DCC: variants seen among roughly 807,000 people sequenced by gnomAD.
DCC encodes the protein DCC netrin 1 receptor.
Under a neutral mutation model 172.5 loss-of-function variants are expected in DCC, and 58 were observed. That is an observed-to-expected ratio of 0.34 (90% CI 0.27 to 0.42). The LOEUF is 0.42. Among genes scored for constraint, DCC ranks in the 10% least tolerant of loss-of-function variants. The pLI, the probability that DCC is intolerant of heterozygous loss-of-function variation, is 1.00. For missense variants in DCC, 1,740 were observed against 1,791.0 expected (o/e 0.97, Z 0.51); for synonymous variants, 709 against 644.5 (o/e 1.10, Z -1.52).
chr18:52,642,351 G>A (rs1207747742), intron 1 of DCC, among the ~76,000 whole-genome samples: 4 of 151,884 alleles, frequency 2.6e-5, no homozygotes, highest in Non-Finnish European at 4.4e-5. Context: ...AGGGATAGAA[G>A]ACTAAAAATA....
intron 8 of DCC, among the ~76,000 whole-genome samples, chr18:53,164,439 G>A (rs2054887052): frequency 6.6e-6 from 1 of 152,078 alleles, no homozygotes; most frequent in Non-Finnish European, 1.5e-5. Flanking sequence ...TATATAAAAA[G>A]AACATTATAC....
intron 15 of DCC, among the ~76,000 whole-genome samples, chr18:53,343,654 C>T (rs895741377): frequency 1.3e-5 from 2 of 151,774 alleles, no homozygotes; most frequent in Admixed American, 6.6e-5. Flanking sequence ...CTCTTTTACT[C>T]CAGTTAGATT....
chr18:53,436,154 G>A (rs566845481), intron 22 of DCC, among the ~76,000 whole-genome samples: 7 of 152,136 alleles, frequency 4.6e-5, no homozygotes, highest in East Asian at 1.9e-4. Flanking sequence ...TGTTTACTAC[G>A]TATGTATACG....
At chr18:52,382,180 A>G (rs563563314) in intron 1 of DCC, among the ~76,000 whole-genome samples, 4 of 152,270 alleles carry the variant, frequency 2.6e-5, no homozygotes, top group African/African-American at 4.8e-5. Flanking sequence ...TGAATAGGAA[A>G]TATCTCTTGC....
In DCC at chr18:52,619,089, C is replaced by T. The variant is rs62083423; in HGVS notation, c.92-132965C>T. On this transcript the variant is annotated intron_variant, in intron 1 of 28. Coordinates refer to ENST00000442544, the MANE Select transcript of DCC (RefSeq NM_005215.4). ...AGTAGCTGGGATTACGGGCATGCAC[C>T]GCTATGCCCAGCTATTTTTTGCATT... Among the ~76,000 whole-genome samples, 852 of 152,198 alleles carry T rather than the reference C, an allele frequency of 5.6e-3. 3 individuals are homozygous for T. Among genetic ancestry groups the T allele is most frequent in the Non-Finnish European group, 9.2e-3 (627 of 68,018 alleles).
intron 27 of DCC, among the ~76,000 whole-genome samples, chr18:53,508,083 C>T (rs1271851504): frequency 2.0e-5 from 3 of 151,500 alleles, no homozygotes; most frequent in East Asian, 3.9e-4. Context: ...TTAGTAGAGA[C>T]GGGGTTTCAC....
intron 2 of DCC, among the ~76,000 whole-genome samples, chr18:52,850,118 G>T (rs112648558): frequency 0.032 from 4,858 of 152,270 alleles, 99 homozygotes; most frequent in Non-Finnish European, 0.05. Context: ...TTAAGCTACA[G>T]ATTTATTTCT....
intron 2 of DCC, among the ~76,000 whole-genome samples, chr18:52,891,172 C>T (rs559391357): frequency 8.5e-5 from 13 of 152,160 alleles, no homozygotes; most frequent in African/African-American, 3.1e-4. Context: ...TTTTCATTGA[C>T]TTCTCTCTTA....
chr18:52,723,067 T>G (rs1384798020), intron 1 of DCC, among the ~76,000 whole-genome samples: 1 of 152,174 alleles, frequency 6.6e-6, no homozygotes, highest in Non-Finnish European at 1.5e-5. Context: ...TTTGACAAAG[T>G]CTGATGAATT....
chr18:52,414,714 A>C (rs1004468212), intron 1 of DCC, among the ~76,000 whole-genome samples: 1 of 152,168 alleles, frequency 6.6e-6, no homozygotes, highest in Non-Finnish European at 1.5e-5. Flanking sequence ...TAGGAACCTG[A>C]ATGACTTATG....
At position 53,176,995 on chromosome 18, in the gene DCC, G is replaced by A. The variant is rs7244705; in HGVS notation, c.1419-1967G>A. 2.2e-3 allele frequency among the ~76,000 whole-genome samples: 336 copies of A among 151,324 alleles called. 2 individuals are homozygous for A. The highest frequency in any genetic ancestry group is 3.1e-3 in the Non-Finnish European group (213 of 67,798). On this transcript the variant is annotated intron_variant, in intron 8 of 28. Transcript: ENST00000442544. ...ACATATACACCATGGAATACTATGCGGCCATAAAAAATGATGAGTTCATGT... is the reference window on the plus strand; with the variant it reads ...ACATATACACCATGGAATACTATGCAGCCATAAAAAATGATGAGTTCATGT...
intron 15 of DCC, among the ~76,000 whole-genome samples, chr18:53,351,396 ACAGTG>A (rs1479945495): frequency 6.0e-5 from 1 of 16,738 alleles, no homozygotes; most frequent in Non-Finnish European, 1.0e-4. Context: ...ATATATATAT[ACAGTG>A]TATATATATA....
At chr18:52,952,796 T>C (rs1387429524) in intron 5 of DCC, among the ~76,000 whole-genome samples, 13 of 151,856 alleles carry the variant, frequency 8.6e-5, no homozygotes, top group Non-Finnish European at 1.5e-5. Flanking sequence ...GGCCAGGAGT[T>C]CAAGACTATC....
chr18:53,118,599 G>T, intron 7 of DCC, among the ~76,000 whole-genome samples: 1 of 151,712 alleles, frequency 6.6e-6, no homozygotes, highest in East Asian at 1.9e-4. Flanking sequence ...AATCTTTGTT[G>T]AATTTACTAA....
chr18:52,415,248 A>C (rs2144413583), intron 1 of DCC, among the ~76,000 whole-genome samples: 1 of 152,344 alleles, frequency 6.6e-6, no homozygotes, highest in East Asian at 1.9e-4. Flanking sequence ...GCATAAGGTA[A>C]CCTTGCTGTT....
chr18:53,386,471 C>G (rs774237990), intron 16 of DCC, among the ~76,000 whole-genome samples: 1 of 152,116 alleles, frequency 6.6e-6, no homozygotes, highest in Non-Finnish European at 1.5e-5. Flanking sequence ...CTTCCATCTC[C>G]TGAGCAGTTT....
chr18:53,507,294 T>C (rs2046192491), intron 27 of DCC, among the ~76,000 whole-genome samples: 1 of 152,188 alleles, frequency 6.6e-6, no homozygotes. Flanking sequence ...CTATTGAAAA[T>C]GTGTTATGAA....
intron 1 of DCC, among the ~76,000 whole-genome samples, chr18:52,440,849 A>C (rs574624056): frequency 1.3e-5 from 2 of 152,314 alleles, no homozygotes; most frequent in South Asian, 4.1e-4. Flanking sequence ...GAGGGCATAG[A>C]GAAAGGAAAG....
At chr18:53,105,762 A>AT (rs927107043) in intron 7 of DCC, among the ~76,000 whole-genome samples, 6 of 151,690 alleles carry the variant, frequency 4.0e-5, no homozygotes, top group African/African-American at 9.7e-5. Flanking sequence ...AGTAGAATGC[A>AT]TTTTTTGCAG....
Sources: allele counts gnomAD v4.1 joint callset (sites outside exome capture counted in the v4.1 genomes callset), GRCh38; gene constraint gnomAD v4.1.1; transcripts MANE v1.5; gene names NCBI Gene and HGNC (gene_info 2026-07-23, HGNC 2026-07-21).